The following PDIA6 variants were observed in gnomAD, a reference collection of about 807,000 sequenced individuals.
The protein encoded by PDIA6 is protein disulfide-isomerase A6.
Under a neutral mutation model 58.4 loss-of-function variants are expected in PDIA6, and 29 were observed. The ratio of observed to expected loss-of-function variants is 0.50; its 90% CI spans 0.37 to 0.68. The LOEUF (loss-of-function observed/expected upper bound fraction) is 0.68, where lower values mean the gene tolerates loss of function less well. Ranked by LOEUF, PDIA6 falls within the 30% of genes least tolerant of loss-of-function variation. PDIA6 has a pLI of 0.00. For synonymous variants in PDIA6, 192 were observed against 202.6 expected (o/e 0.95, Z 0.44); for missense variants, 480 against 551.0 (o/e 0.87, Z 1.29).
chr2:10,819,968 T>C (rs1467441434), intron 1 of PDIA6, among the ~76,000 whole-genome samples: 1 of 152,148 alleles, frequency 6.6e-6, no homozygotes, highest in African/African-American at 2.4e-5. Flanking sequence ...GGCCACCATG[T>C]GTTGTGTTTC....
chr2:10,819,979 G>A (rs577368920), intron 1 of PDIA6, among the ~76,000 whole-genome samples: 27 of 152,238 alleles, frequency 1.8e-4, no homozygotes, highest in Admixed American at 5.2e-4. Context: ...GTTGTGTTTC[G>A]TTTAATCCTC....
At chr2:10,800,812 C>G (rs1666478415) in intron 2 of PDIA6, among the ~76,000 whole-genome samples, 1 of 152,058 alleles carries the variant, frequency 6.6e-6, no homozygotes, top group African/African-American at 2.4e-5. Flanking sequence ...GGTCTTGCCA[C>G]ATTGCCCAAG....
chr2:10,802,415 T>C, intron 2 of PDIA6, 84 bp downstream of exon 2: 2 of 868,006 alleles, frequency 2.3e-6, no homozygotes, highest in Non-Finnish European at 3.3e-6. Flanking sequence ...ACTAGATGTC[T>C]TAATAAAATC....
intron 6 of PDIA6, 112 bp from the exon 7 acceptor site, chr2:10,790,945 G>C (rs1666008393): frequency 2.9e-6 from 2 of 701,336 alleles, no homozygotes; most frequent in South Asian, 1.7e-5. Context: ...AATCTCCTGG[G>C]CTCAGGTGAT....
intron 6 of PDIA6, 98 bp downstream of exon 6, chr2:10,791,697 A>G (rs752074351): frequency 2.7e-5 from 29 of 1,068,226 alleles, no homozygotes; most frequent in Non-Finnish European, 3.4e-5. Flanking sequence ...AAGAGATCTT[A>G]GTGGTGATCT....
At chr2:10,829,715 AT>A (rs35026985) in intron 1 of PDIA6, among the ~76,000 whole-genome samples, 2 of 151,890 alleles carry the variant, frequency 1.3e-5, no homozygotes, top group Admixed American at 1.3e-4. Context: ...ATTATTTTTA[AT>A]TTTTTGTGGG....
Position 10,818,834 on chromosome 2 carries a change from T to G in PDIA6, c.34+440A>C, listed in dbSNP as rs1667298258. Among the ~76,000 whole-genome samples the G allele has an allele frequency of 3.3e-5, 5 of 152,132 alleles. No individual in the cohort carries two copies. In the South Asian group the frequency reaches 1.0e-3, roughly 31 times the overall value. On this transcript the variant is annotated intron_variant, in intron 2 of 13. Transcript: ENST00000381611. ...CACCATACCTGGCCTTTAACCATTTTTAAGTGTACAGTTCCATGGCATTAA... is the reference window on the plus strand; with the variant it reads ...CACCATACCTGGCCTTTAACCATTTGTAAGTGTACAGTTCCATGGCATTAA...
upstream of PDIA6, among the ~76,000 whole-genome samples, chr2:10,816,086 T>TTTTC (rs1396007506): frequency 7.2e-5 from 10 of 139,546 alleles, no homozygotes; most frequent in Admixed American, 6.5e-4. Flanking sequence ...TCTTTTTTTT[T>TTTTC]TTTTTTTTTT....
chr2:10,834,728 T>C (rs774144577), upstream of PDIA6, among the ~76,000 whole-genome samples: 4,601 of 18,796 alleles, frequency 0.24, 525 homozygotes, highest in South Asian at 0.32. Context: ...CCTCCCTTCC[T>C]TCCCTCCTTC....
chr2:10,822,388 G>A (rs943171229), intron 1 of PDIA6, among the ~76,000 whole-genome samples: 1 of 151,772 alleles, frequency 6.6e-6, no homozygotes, highest in Non-Finnish European at 1.5e-5. Flanking sequence ...TCAGCCTCCC[G>A]AGTAGCTGAG....
intron 2 of PDIA6, among the ~76,000 whole-genome samples, chr2:10,800,171 T>C (rs1430009222): frequency 6.6e-6 from 1 of 152,204 alleles, no homozygotes; most frequent in African/African-American, 2.4e-5. Context: ...TGCCCATCAC[T>C]ATTCAGAATT....
At chr2:10,817,577 C>A (rs1225870379), upstream of PDIA6, among the ~76,000 whole-genome samples, 1 of 152,236 alleles carries the variant, frequency 6.6e-6, no homozygotes, top group Non-Finnish European at 1.5e-5. Flanking sequence ...CACACAGCTC[C>A]CCCGGTGGGC....
chr2:10,797,177 C>A lies in PDIA6; in HGVS notation c.250G>T (p.Asp84Tyr), dbSNP rs755612624. 5.6e-6 allele frequency: 9 copies of A among 1,608,654 alleles called. No homozygotes were observed. The highest frequency in any genetic ancestry group is 6.8e-6 in the Non-Finnish European group (8 of 1,176,750). The stretch of plus-strand genomic sequence containing the variant: ...TGACCTCCTAGGGAATGATGCTTAT[C>A]TGCATCAACTGCACCAACTTTGACA... ...DVVKVGAVDA[D>Y]KHHSLGGQYG... Residue 84 changes from aspartate to tyrosine, a missense_variant, in exon 4 of 13, where the codon GAT becomes TAT. Physicochemically the swap from Asp to Tyr is radical, Grantham distance 160 (BLOSUM62 -3). Coordinates refer to ENST00000272227, the MANE Select transcript of PDIA6 (RefSeq NM_005742.4).
At chr2:10,831,259 G>A (rs955102706) in intron 1 of PDIA6, among the ~76,000 whole-genome samples, 1 of 152,168 alleles carries the variant, frequency 6.6e-6, no homozygotes, top group African/African-American at 2.4e-5. Context: ...GGGCTGTGGC[G>A]CTGCCCTCCT....
At chr2:10,821,659 C>G (rs1335928337) in intron 1 of PDIA6, 1 of 151,996 alleles carries the variant, frequency 6.6e-6, no homozygotes, top group Non-Finnish European at 1.5e-5. Context: ...GGGTCTCATT[C>G]TGTCACCCAG....
chr2:10,811,417 A>G (rs547868993), intron 1 of PDIA6, among the ~76,000 whole-genome samples: 7 of 152,246 alleles, frequency 4.6e-5, no homozygotes, highest in African/African-American at 1.7e-4. Context: ...GGATCCCTTG[A>G]GACCAGGAGT....
chr2:10,786,120 T>C (rs1464492106), intron 11 of PDIA6, among the ~76,000 whole-genome samples: 2 of 151,900 alleles, frequency 1.3e-5, no homozygotes, highest in East Asian at 2.0e-4. Flanking sequence ...GTCAGGGGTT[T>C]GAGACCCGCC....
intron 1 of PDIA6, 84 bp from the exon 2 acceptor site, chr2:10,802,724 C>T: frequency 9.2e-7 from 1 of 1,090,922 alleles, no homozygotes; most frequent in Non-Finnish European, 1.2e-6. Flanking sequence ...TCCTCTTTAA[C>T]TGACCAGGGC....
Position 10,822,199 on chromosome 2 carries a change from A to G in PDIA6, c.-47-2845T>C, listed in dbSNP as rs368837114. On this transcript the variant is annotated intron_variant, in intron 1 of 13. Coordinates refer to the PDIA6 transcript ENST00000381611. ...AGTGATCAGCCTACCTCGGCCTGCT[A>G]GAGTGTTGAGATTACAGGCATGAGC... 7.2e-5 allele frequency among the ~76,000 whole-genome samples: 11 copies of G among 152,158 alleles called. No individual in the cohort carries two copies. The East Asian group carries it at 1.2e-3, about 16-fold the overall frequency.
Sources: allele counts gnomAD v4.1 joint callset (sites outside exome capture counted in the v4.1 genomes callset), GRCh38; gene constraint gnomAD v4.1.1; transcripts MANE v1.5; gene names NCBI Gene and HGNC (gene_info 2026-07-23, HGNC 2026-07-21).